Variants in RB1CC1 observed in about 807,000 individuals in gnomAD.
RB1CC1 encodes the protein RB1 inducible coiled-coil 1.
Under a neutral mutation model 177.5 loss-of-function variants are expected in RB1CC1, and 46 were observed. The ratio of observed to expected loss-of-function variants is 0.26; its 90% CI spans 0.20 to 0.33. The LOEUF (loss-of-function observed/expected upper bound fraction) is 0.33, where lower values mean the gene tolerates loss of function less well. Ranked by LOEUF, RB1CC1 falls within the 10% of genes least tolerant of loss-of-function variation. RB1CC1 has a pLI of 1.00. For synonymous variants in RB1CC1, 666 were observed against 613.6 expected, an observed-to-expected ratio of 1.09 and a Z score of -1.26; for missense variants, 1,703 against 1,816.3, an observed-to-expected ratio of 0.94 and a Z score of 1.13.
At chr8:52,649,083 A>T (rs117699586) in intron 15 of RB1CC1, among the ~76,000 whole-genome samples, 1 of 152,188 alleles carries the variant, frequency 6.6e-6, no homozygotes, top group Non-Finnish European at 1.5e-5. Context: ...ATACTTTCGA[A>T]CCATGGGGTA....
chr8:52,685,002 C>CTT (rs34656821), intron 3 of RB1CC1, among the ~76,000 whole-genome samples: 45 of 130,240 alleles, frequency 3.5e-4, no homozygotes, highest in African/African-American at 9.8e-4. Flanking sequence ...ATTATGTGAC[C>CTT]TTTTTTTTTT....
At chr8:52,633,926 G>A (rs1009420255) in intron 20 of RB1CC1, among the ~76,000 whole-genome samples, 2 of 151,734 alleles carry the variant, frequency 1.3e-5, no homozygotes, top group African/African-American at 4.8e-5. Flanking sequence ...CCATCTCTAC[G>A]AAAACAAAAA....
chr8:52,673,774 C>T, intron 7 of RB1CC1, 71 bp downstream of exon 7: 2 of 1,358,868 alleles, frequency 1.5e-6, no homozygotes, highest in South Asian at 1.5e-5. Context: ...TCTCTCAGTA[C>T]ATAAAATATT....
At chr8:52,690,302 C>CTTCA (rs1053573575) in intron 1 of RB1CC1, among the ~76,000 whole-genome samples, 2 of 152,144 alleles carry the variant, frequency 1.3e-5, no homozygotes, top group Non-Finnish European at 2.9e-5. Flanking sequence ...AGGAATATTC[C>CTTCA]TTCATTCATT....
rs1207110736 is a variant in RB1CC1 at position 52,623,313 on chromosome 8, T to C, written c.*469A>G. 1 of 185,626 alleles carries C rather than the reference T, an allele frequency of 5.4e-6. No individual in the cohort carries two copies. Among genetic ancestry groups the C allele is most frequent in the Admixed American group, 5.7e-5 (1 of 17,600 alleles). 11.5% of individuals were successfully genotyped at this position (185,626 alleles called of 1,614,324 possible). A position where few individuals can be genotyped will look rare whatever the true frequency, so the allele number is the denominator to read the frequency against. ...TATCAGCATGCAATAACACTCCTCTTTATTTTAAATAGTTCTGAATAATTT... is the reference window on the plus strand; with the variant it reads ...TATCAGCATGCAATAACACTCCTCTCTATTTTAAATAGTTCTGAATAATTT... On this transcript the variant is annotated 3_prime_UTR_variant, in exon 24 of 24. Coordinates refer to ENST00000025008, the MANE Select transcript of RB1CC1 (RefSeq NM_014781.5).
At chr8:52,660,816 G>C in intron 11 of RB1CC1, 110 bp downstream of exon 11, 1 of 1,111,028 alleles carries the variant, frequency 9.0e-7, no homozygotes, top group Non-Finnish European at 1.3e-6. Context: ...ATATTTCCTA[G>C]ATATCAATGG....
intron 3 of RB1CC1, among the ~76,000 whole-genome samples, chr8:52,684,921 GTAAC>G (rs1854120079): frequency 1.3e-5 from 2 of 151,502 alleles, no homozygotes; most frequent in East Asian, 1.9e-4. Context: ...TTTAAAGAAT[GTAAC>G]TAGTCTTTTA....
At chr8:52,713,403 T>C (rs1857221623) in intron 1 of RB1CC1, among the ~76,000 whole-genome samples, 2 of 152,304 alleles carry the variant, frequency 1.3e-5, no homozygotes, top group East Asian at 1.9e-4. Context: ...ATTTCTACTG[T>C]TGGTTAATGT....
chr8:52,690,115 A>C lies in RB1CC1; in HGVS notation c.-166-3148T>G, dbSNP rs73595499. Among the ~76,000 whole-genome samples the C allele has an allele frequency of 7.0e-3, 1,066 of 152,358 alleles. 11 individuals are homozygous for C. The highest frequency in any genetic ancestry group is 0.025 in the African/African-American group (1,027 of 41,596). Reference sequence around the variant, plus strand: ...TCATGCAGATCTGAGAGATGTTAACAAAAGGAAGCTAGAGATAAACAGGAA... The same window carrying C: ...TCATGCAGATCTGAGAGATGTTAACCAAAGGAAGCTAGAGATAAACAGGAA... On this transcript the variant is annotated intron_variant, in intron 1 of 23. Coordinates refer to ENST00000025008, the MANE Select transcript of RB1CC1 (RefSeq NM_014781.5).
At chr8:52,644,393 T>C (rs915289941) in intron 16 of RB1CC1, among the ~76,000 whole-genome samples, 3 of 152,218 alleles carry the variant, frequency 2.0e-5, no homozygotes, top group Admixed American at 1.3e-4. Flanking sequence ...TTTCAGTTAA[T>C]TCATTCTTTA....
In RB1CC1 at chr8:52,683,923, A is replaced by G; in HGVS notation, c.162T>C (p.Ala54=). 1 of 1,614,134 alleles carries G rather than the reference A, an allele frequency of 6.2e-7. No homozygotes were observed. The highest frequency in any genetic ancestry group is 1.3e-5 in the African/African-American group (1 of 75,042). The change falls in exon 4 of 24, where the codon GCT becomes GCC. Residue 54 remains alanine (A), a synonymous_variant. Coordinates refer to ENST00000025008, the MANE Select transcript of RB1CC1 (RefSeq NM_014781.5). ...TGTAGGTACACACTCTTCGATCTGC[A>G]GCCATGCATTCTCCTCCATTGACCA... ...VLVVNGGECM[A]ADRRVCTYSA...
intron 8 of RB1CC1, among the ~76,000 whole-genome samples, chr8:52,664,286 A>G (rs988791996): frequency 6.6e-5 from 10 of 152,150 alleles, no homozygotes; most frequent in African/African-American, 2.4e-4. Context: ...CTTGGGGTCT[A>G]TATTTCTGTC....
intron 1 of RB1CC1, among the ~76,000 whole-genome samples, chr8:52,693,729 T>C (rs536937673): frequency 2.6e-5 from 4 of 151,912 alleles, no homozygotes; most frequent in South Asian, 4.2e-4. Context: ...TGAGAACATA[T>C]AGACACACGG....
intron 20 of RB1CC1, among the ~76,000 whole-genome samples, chr8:52,631,658 C>T (rs1329364963): frequency 1.3e-5 from 2 of 152,180 alleles, no homozygotes; most frequent in African/African-American, 4.8e-5. Context: ...ATGACCTACA[C>T]GGCCAACATT....
intron 15 of RB1CC1, among the ~76,000 whole-genome samples, chr8:52,647,280 CTCT>C (rs1850131743): frequency 6.6e-6 from 1 of 152,108 alleles, no homozygotes; most frequent in Non-Finnish European, 1.5e-5. Context: ...AACATAATAT[CTCT>C]ATCAAAGTCT....
rs78594896 is a variant in RB1CC1 at position 52,651,600 on chromosome 8, T to C, written c.3821+4408A>G. 5.3e-3 allele frequency among the ~76,000 whole-genome samples: 801 copies of C among 152,328 alleles called. 4 individuals carry two copies. Among genetic ancestry groups the C allele is most frequent in the African/African-American group, 0.018 (764 of 41,568 alleles). The stretch of plus-strand genomic sequence containing the variant: ...AACACCAAGTGTTGCCTTTTTCACC[T>C]TGTTGATATTGGCACTGATGATCAA... On this transcript the variant is annotated intron_variant, in intron 15 of 23. Coordinates refer to ENST00000025008, the MANE Select transcript of RB1CC1 (RefSeq NM_014781.5).
At chr8:52,665,562 A>G (rs1443249166) in intron 8 of RB1CC1, among the ~76,000 whole-genome samples, 2 of 152,192 alleles carry the variant, frequency 1.3e-5, no homozygotes, top group Non-Finnish European at 2.9e-5. Context: ...TCACCAAAAG[A>G]AGTATGGTTA....
At chr8:52,713,842 CG>C (rs758047680) in intron 1 of RB1CC1, among the ~76,000 whole-genome samples, 1 of 152,198 alleles carries the variant, frequency 6.6e-6, no homozygotes, top group Non-Finnish European at 1.5e-5. Context: ...AGTGGAGCAT[CG>C]ACTCGAACCG....
intron 3 of RB1CC1, among the ~76,000 whole-genome samples, chr8:52,684,957 T>C (rs1854124267): frequency 2.0e-5 from 3 of 150,666 alleles, no homozygotes; most frequent in South Asian, 2.1e-4. Context: ...CAATTACATA[T>C]AAAATATGTT....
Sources: allele counts gnomAD v4.1 joint callset (sites outside exome capture counted in the v4.1 genomes callset), GRCh38; gene constraint gnomAD v4.1.1; transcripts MANE v1.5; gene names NCBI Gene and HGNC (gene_info 2026-07-23, HGNC 2026-07-21).